TOPAZ1: variants seen among roughly 807,000 people sequenced by gnomAD.
TOPAZ1 encodes protein TOPAZ1.
In TOPAZ1, 66 loss-of-function variants were observed where a neutral mutation model predicts 172.2. That is an observed-to-expected ratio of 0.38 (90% CI 0.31 to 0.47). The LOEUF (loss-of-function observed/expected upper bound fraction) is 0.47, where lower values mean the gene tolerates loss of function less well. TOPAZ1 is among the 20% of genes least tolerant of loss of function. The pLI is 0.99. For missense variants in TOPAZ1, 1,822 were observed against 1,972.4 expected, an observed-to-expected ratio of 0.92 and a Z score of 1.44; for synonymous variants, 681 against 683.9, an observed-to-expected ratio of 1.00 and a Z score of 0.07.
chr3:44,335,044 G>A (rs1700708280), downstream of TOPAZ1, among the ~76,000 whole-genome samples: 1 of 152,040 alleles, frequency 6.6e-6, no homozygotes, highest in African/African-American at 2.4e-5. Flanking sequence ...ATAAGTCCTA[G>A]GGCCCTTTTT....
rs1475775023 is a variant in TOPAZ1, at chr3:44,306,406, A to G, written c.4120A>G (p.Lys1374Glu). Residue 1374 changes from lysine (K) to glutamate (E), a missense_variant, in exon 15 of 20, where the codon AAG becomes GAG. Physicochemically the swap from Lys to Glu is moderately conservative, Grantham distance 56 (BLOSUM62 1). This residue lies in a region of TOPAZ1 where 333 missense variants were observed against 481.7 expected (regional missense o/e 0.69). Coordinates refer to ENST00000309765, the MANE Select transcript of TOPAZ1 (RefSeq NM_001145030.2). ...AATCAGTGCTATGTACTTCTATCAC[A>G]AGCTGTTGCAGTGGTCCAAGGTACT... ...IGISAMYFYH[K>E]LLQWSKGRKV... 6.5e-7 allele frequency: 1 copy of G among 1,543,048 alleles called. No individual in the cohort carries two copies. The highest frequency in any genetic ancestry group is 1.4e-5 in the African/African-American group (1 of 73,104).
Position 44,244,143 on chromosome 3 carries a change from T to C in TOPAZ1, c.1637T>C (p.Leu546Ser). 6.4e-7 allele frequency: 1 copy of C among 1,551,526 alleles called. No homozygotes were observed. Among genetic ancestry groups the C allele is most frequent in the Non-Finnish European group, 8.7e-7 (1 of 1,146,838 alleles). ...CAGACCCATTTAACTGACTCCAAAT[T>C]ATTATTACAAAGTTCCTTAACAGAA... The part of the protein sequence containing the change: ...TNQTHLTDSK[L>S]LLQSSLTETN... Residue 546 changes from leucine to serine, a missense_variant, in exon 2 of 20, where the codon TTA becomes TCA. Coordinates refer to ENST00000309765, the MANE Select transcript of TOPAZ1 (RefSeq NM_001145030.2).
Position 44,255,678 on chromosome 3 carries a change from C to T in TOPAZ1, c.2828-473C>T, listed in dbSNP as rs866809985. Among the ~76,000 whole-genome samples the T allele has an allele frequency of 5.0e-4, 15 of 30,050 alleles. 1 individual carries two copies. The highest frequency in any genetic ancestry group is 1.6e-3 in the African/African-American group (11 of 7,040). The allele number at this position is 30,050 out of a possible 152,430, so 19.7% of individuals were successfully genotyped here. A position where few individuals can be genotyped will look rare whatever the true frequency, so the allele number is the denominator to read the frequency against. ...AAAAAAAAAAATATATATACACACA[C>T]ACACACACACACACACACACACACA... On this transcript the variant is annotated intron_variant, in intron 3 of 19. Coordinates refer to ENST00000309765, the MANE Select transcript of TOPAZ1 (RefSeq NM_001145030.2).
intron 12 of TOPAZ1, among the ~76,000 whole-genome samples, chr3:44,299,918 C>G (rs1700249192): frequency 8.5e-6 from 1 of 117,714 alleles, no homozygotes; most frequent in Admixed American, 1.3e-4. Context: ...CACATGGACA[C>G]AGGAAGAGGA....
At chr3:44,291,000 C>T in intron 12 of TOPAZ1, 114 bp downstream of exon 12, 1 of 642,620 alleles carries the variant, frequency 1.6e-6, no homozygotes. Context: ...TAGATAGTGG[C>T]CTGTCATAAA....
chr3:44,242,162 G>A lies in TOPAZ1; in HGVS notation c.109G>A (p.Gly37Ser). ...APGPGAAGGC[G>S]PEAGGCRENK... ...AGGGCCAGGCGCGGCGGGAGGCTGT[G>A]GCCCTGAGGCCGGGGGGTGCCGGGA... Residue 37 changes from glycine to serine, a missense_variant, in exon 1 of 20, where the codon GGC (glycine) becomes AGC (serine). Gly to Ser is a moderately conservative substitution (Grantham distance 56, BLOSUM62 0). Transcript: ENST00000309765. 6.5e-7 allele frequency: 1 copy of A among 1,547,128 alleles called. No individual in the cohort carries two copies. Among genetic ancestry groups the A allele is most frequent in the Non-Finnish European group, 8.7e-7 (1 of 1,145,874 alleles).
intron 19 of TOPAZ1, 127 bp from the exon 20 acceptor site, chr3:44,331,665 C>G: frequency 1.2e-6 from 1 of 832,466 alleles, no homozygotes; most frequent in Non-Finnish European, 1.8e-6. Context: ...GTTTGAAAGC[C>G]ACTTTTAGAA....
At chr3:44,286,188 C>A (rs1700077048) in intron 9 of TOPAZ1, among the ~76,000 whole-genome samples, 1 of 152,120 alleles carries the variant, frequency 6.6e-6, no homozygotes, top group Non-Finnish European at 1.5e-5. Context: ...GCACTCCAGC[C>A]TGGGTGACAG....
chr3:44,292,337 G>A (rs899114813), intron 12 of TOPAZ1, among the ~76,000 whole-genome samples: 5 of 152,168 alleles, frequency 3.3e-5, no homozygotes, highest in Non-Finnish European at 5.9e-5. Context: ...TAGTTCTGGA[G>A]TCTAATTTGT....
At chr3:44,276,109 G>C (rs1699951776) in intron 8 of TOPAZ1, among the ~76,000 whole-genome samples, 1 of 152,070 alleles carries the variant, frequency 6.6e-6, no homozygotes, top group South Asian at 2.1e-4. Context: ...TTAGTCCTTT[G>C]TCACATGAAT....
intron 16 of TOPAZ1, among the ~76,000 whole-genome samples, chr3:44,319,267 G>T (rs1028618655): frequency 6.6e-6 from 1 of 152,170 alleles, no homozygotes; most frequent in South Asian, 2.1e-4. Context: ...ACAGGGAGAT[G>T]ATGTGGGGAG....
In TOPAZ1 at chr3:44,244,475, A is replaced by G. The variant is rs1390784438; in HGVS notation, c.1969A>G (p.Lys657Glu). Reference sequence around the variant, plus strand: ...TCAGGAAGCAAATAACTCTGCAGGCAAAACTATTCATCGAAAAGCATGCAT... The same window carrying G: ...TCAGGAAGCAAATAACTCTGCAGGCGAAACTATTCATCGAAAAGCATGCAT... ...DGQEANNSAG[K>E]TIHRKACIAQ... Residue 657 changes from lysine (K) to glutamate (E), a missense_variant, in exon 2 of 20, where the codon AAA becomes GAA. By Grantham distance (56) the Lys-to-Glu change is moderately conservative. This residue lies in a region of TOPAZ1 where 1,489 missense variants were observed against 1,490.8 expected (regional missense o/e 1.00). Coordinates refer to ENST00000309765, the MANE Select transcript of TOPAZ1 (RefSeq NM_001145030.2). 2.6e-6 allele frequency: 4 copies of G among 1,551,634 alleles called. No homozygotes were observed. Among genetic ancestry groups the G allele is most frequent in the African/African-American group, 2.7e-5 (2 of 73,068 alleles).
At chr3:44,311,024 G>A (rs1029030314) in intron 16 of TOPAZ1, among the ~76,000 whole-genome samples, 2 of 152,026 alleles carry the variant, frequency 1.3e-5, no homozygotes, top group South Asian at 2.1e-4. Flanking sequence ...GGATAAGAAC[G>A]AAAAAACCTC....
At chr3:44,298,083 C>G (rs1700219652) in intron 12 of TOPAZ1, among the ~76,000 whole-genome samples, 1 of 152,186 alleles carries the variant, frequency 6.6e-6, no homozygotes, top group Admixed American at 6.5e-5. Context: ...CAGAATCCCT[C>G]TGGCAAGATT....
At chr3:44,245,530 CTTTTTTTTTTT>C (rs531158571) in intron 2 of TOPAZ1, among the ~76,000 whole-genome samples, 1 of 83,010 alleles carries the variant, frequency 1.2e-5, no homozygotes, top group African/African-American at 5.2e-5. Context: ...CATAGAGTGG[CTTTTTTTTTTT>C]TTTTTTTTTT....
Position 44,321,208 on chromosome 3 carries a change from T to C in TOPAZ1, c.4471+17T>C, listed in dbSNP as rs1700503011. ...ATTCCCAAGGTATGTTTTTTAAAAG[T>C]CTATCTTAATTATCTCTTGCCCATC... On this transcript the variant is annotated intron_variant, in intron 17 of 19. Transcript: ENST00000309765. 6.6e-7 allele frequency: 1 copy of C among 1,524,998 alleles called. No homozygotes were observed. The allele number at this position is 1,524,998 out of a possible 1,614,324, so 94.5% of individuals were successfully genotyped here. A position where few individuals can be genotyped will look rare whatever the true frequency, so the allele number is the denominator to read the frequency against.
chr3:44,286,107 C>T (rs1294489958), intron 9 of TOPAZ1, among the ~76,000 whole-genome samples: 1 of 151,920 alleles, frequency 6.6e-6, no homozygotes, highest in Admixed American at 6.6e-5. Context: ...CCCAGCTACT[C>T]TGGAGACTGA....
intron 8 of TOPAZ1, among the ~76,000 whole-genome samples, chr3:44,272,663 C>T (rs1174867356): frequency 6.6e-6 from 1 of 152,046 alleles, no homozygotes; most frequent in African/African-American, 2.4e-5. Flanking sequence ...CTGGTTCAAG[C>T]GATTCTTCTG....
intron 16 of TOPAZ1, among the ~76,000 whole-genome samples, chr3:44,318,774 A>G (rs1415882806): frequency 6.8e-6 from 1 of 147,962 alleles, no homozygotes; most frequent in African/African-American, 2.5e-5. Context: ...AAAAATATAT[A>G]TATGTATTTT....
Sources: gnomAD v4.1 joint callset for allele counts (sites outside exome capture counted in the v4.1 genomes callset) on GRCh38, gnomAD v4.1.1 for gene constraint, gnomAD v4.1.1 regional missense constraint, MANE v1.5 for transcripts, NCBI Gene and HGNC (gene_info 2026-07-23, HGNC 2026-07-21) for gene names.